Variants in ZCCHC7 observed in about 807,000 individuals in gnomAD.
ZCCHC7 encodes zinc finger CCHC-type containing 7.
Under a neutral mutation model 52.0 loss-of-function variants are expected in ZCCHC7, and 35 were observed. That is an observed-to-expected ratio of 0.67 (90% CI 0.51 to 0.89). The LOEUF is 0.89. Among genes scored for constraint, ZCCHC7 ranks in the 40% least tolerant of loss-of-function variants. ZCCHC7 has a pLI of 0.00. For synonymous variants in ZCCHC7, 217 were observed against 221.5 expected (o/e 0.98, Z 0.18); for missense variants, 574 against 649.1 (o/e 0.88, Z 1.26).
intron 2 of ZCCHC7, among the ~76,000 whole-genome samples, chr9:37,219,579 T>G (rs1824704769): frequency 6.6e-6 from 1 of 152,236 alleles, no homozygotes; most frequent in Non-Finnish European, 1.5e-5. Context: ...TGGCACTCTT[T>G]TAAGAATTAT....
chr9:37,280,128 G>A (rs1279107874), intron 2 of ZCCHC7, among the ~76,000 whole-genome samples: 3 of 151,482 alleles, frequency 2.0e-5, no homozygotes, highest in Non-Finnish European at 2.9e-5. Context: ...GCAACAGTGC[G>A]AGACTCCGTC....
At chr9:37,120,679 C>T in intron 1 of ZCCHC7, 56 bp downstream of exon 1, 1 of 380,484 alleles carries the variant, frequency 2.6e-6, no homozygotes, top group Non-Finnish European at 4.7e-6. Context: ...CCTGCCTACC[C>T]TCCTTCTTGC....
chr9:37,194,926 A>G (rs1048119678), intron 2 of ZCCHC7, among the ~76,000 whole-genome samples: 6 of 147,832 alleles, frequency 4.1e-5, no homozygotes, highest in African/African-American at 1.2e-4. Context: ...AAGAACTCAG[A>G]TTTCTTGGAT....
chr9:37,151,364 G>T (rs552620659), intron 2 of ZCCHC7, among the ~76,000 whole-genome samples: 1 of 152,112 alleles, frequency 6.6e-6, no homozygotes, highest in Non-Finnish European at 1.5e-5. Context: ...TATATAAAAC[G>T]ATCATTCTGT....
At chr9:37,203,306 A>G (rs1266117537) in intron 2 of ZCCHC7, among the ~76,000 whole-genome samples, 1 of 152,178 alleles carries the variant, frequency 6.6e-6, no homozygotes, top group East Asian at 1.9e-4. Flanking sequence ...TTTTCTTTAA[A>G]AAATTTTTTT....
intron 2 of ZCCHC7, among the ~76,000 whole-genome samples, chr9:37,239,185 A>G (rs1825777627): frequency 1.3e-5 from 2 of 152,198 alleles, no homozygotes; most frequent in African/African-American, 4.8e-5. Flanking sequence ...TGTGTTGCAG[A>G]AAGTATTTCA....
chr9:37,204,720 T>G (rs1308193798), intron 2 of ZCCHC7, among the ~76,000 whole-genome samples: 1 of 151,432 alleles, frequency 6.6e-6, no homozygotes, highest in Non-Finnish European at 1.5e-5. Context: ...CCTTGTAGTA[T>G]AGTTTGAAGT....
At chr9:37,130,561 C>T (rs1297022608) in intron 2 of ZCCHC7, among the ~76,000 whole-genome samples, 16 of 149,704 alleles carry the variant, frequency 1.1e-4, no homozygotes, top group Admixed American at 9.3e-4. Context: ...GGCATGATCT[C>T]GGCTCACTGC....
intron 2 of ZCCHC7, among the ~76,000 whole-genome samples, chr9:37,238,324 C>A (rs1323426653): frequency 1.3e-5 from 2 of 152,078 alleles, no homozygotes; most frequent in African/African-American, 4.8e-5. Context: ...TTGACATATT[C>A]CTGATTTTTT....
At chr9:37,298,828 C>T (rs1361912734) in intron 2 of ZCCHC7, among the ~76,000 whole-genome samples, 1 of 152,136 alleles carries the variant, frequency 6.6e-6, no homozygotes, top group Non-Finnish European at 1.5e-5. Context: ...TTCCTTCTCT[C>T]CCTAAAATTG....
At chr9:37,141,551 A>G (rs1190220090) in intron 2 of ZCCHC7, among the ~76,000 whole-genome samples, 2 of 151,914 alleles carry the variant, frequency 1.3e-5, no homozygotes, top group Non-Finnish European at 2.9e-5. Context: ...AATCCTGAAA[A>G]TTTGTATTCA....
chr9:37,121,990 G>A (rs1261109832), intron 1 of ZCCHC7, among the ~76,000 whole-genome samples: 1 of 152,170 alleles, frequency 6.6e-6, no homozygotes, highest in Non-Finnish European at 1.5e-5. Flanking sequence ...CTTACTAAGA[G>A]TAAGAAAAAT....
At chr9:37,199,884 T>G (rs1823536236) in intron 2 of ZCCHC7, among the ~76,000 whole-genome samples, 2 of 151,094 alleles carry the variant, frequency 1.3e-5, no homozygotes, top group Non-Finnish European at 2.9e-5. Flanking sequence ...TTTTGTATTT[T>G]TAGTAGAGAC....
chr9:37,261,708 T>C (rs925774207), intron 2 of ZCCHC7, among the ~76,000 whole-genome samples: 6 of 152,196 alleles, frequency 3.9e-5, no homozygotes, highest in Admixed American at 6.5e-5. Context: ...AATGAAAAAC[T>C]CACAAGGAAG....
intron 2 of ZCCHC7, among the ~76,000 whole-genome samples, chr9:37,228,815 A>C (rs1010638606): frequency 1.3e-5 from 2 of 151,360 alleles, no homozygotes; most frequent in African/African-American, 2.4e-5. Context: ...GTTCAATTAT[A>C]ATATGTGAAA....
chr9:37,264,086 G>A (rs966615444), intron 2 of ZCCHC7, among the ~76,000 whole-genome samples: 3 of 152,108 alleles, frequency 2.0e-5, no homozygotes, highest in Non-Finnish European at 4.4e-5. Flanking sequence ...TGTCTTTGGT[G>A]TTGAGATTGT....
chr9:37,275,614 T>C (rs1400345322), intron 2 of ZCCHC7, among the ~76,000 whole-genome samples: 1 of 152,140 alleles, frequency 6.6e-6, no homozygotes, highest in East Asian at 1.9e-4. Context: ...TCTTCCACTT[T>C]AACATGGAAT....
chr9:37,212,309 C>T (rs1824284007), intron 2 of ZCCHC7, among the ~76,000 whole-genome samples: 1 of 151,432 alleles, frequency 6.6e-6, no homozygotes, highest in Non-Finnish European at 1.5e-5. Flanking sequence ...TCTACCATAC[C>T]TAAAAAAAAA....
chr9:37,245,581 C>T (rs1826048403), intron 2 of ZCCHC7, among the ~76,000 whole-genome samples: 1 of 151,908 alleles, frequency 6.6e-6, no homozygotes, highest in African/African-American at 2.4e-5. Flanking sequence ...GAGAGTCAGA[C>T]ACATAAATGG....
Sources: gnomAD v4.1 joint callset for allele counts (sites outside exome capture counted in the v4.1 genomes callset) on GRCh38, gnomAD v4.1.1 for gene constraint, MANE v1.5 for transcripts, NCBI Gene and HGNC (gene_info 2026-07-23, HGNC 2026-07-21) for gene names.